The following LRMDA variants were observed in gnomAD, a reference collection of about 807,000 sequenced individuals.
LRMDA encodes leucine-rich melanocyte differentiation-associated protein.
LRMDA carries 18 observed loss-of-function variants against 29.8 expected under a neutral mutation model. The ratio of observed to expected loss-of-function variants is 0.60; its 90% CI spans 0.42 to 0.90. LRMDA has a LOEUF of 0.90. Among genes scored for constraint, LRMDA ranks in the 40% least tolerant of loss-of-function variants. LRMDA has a pLI of 0.00. For missense variants in LRMDA, 273 were observed against 273.9 expected (o/e 1.00, Z 0.02); for synonymous variants, 125 against 109.4 (o/e 1.14, Z -0.89).
At chr10:75,534,920 A>C (rs1839929105) in intron 2 of LRMDA, among the ~76,000 whole-genome samples, 1 of 152,190 alleles carries the variant, frequency 6.6e-6, no homozygotes, top group Non-Finnish European at 1.5e-5. Flanking sequence ...TAAACTATAC[A>C]CCAGAATTTC....
At chr10:75,714,707 A>G (rs1009090441) in intron 2 of LRMDA, among the ~76,000 whole-genome samples, 1 of 151,980 alleles carries the variant, frequency 6.6e-6, no homozygotes, top group Non-Finnish European at 1.5e-5. Context: ...ACTGTGAGAA[A>G]CTTTGATCTA....
chr10:75,661,236 A>G (rs1841748698), intron 2 of LRMDA, among the ~76,000 whole-genome samples: 1 of 152,164 alleles, frequency 6.6e-6, no homozygotes. Context: ...AAACCCAGAA[A>G]GGCCTCTGCT....
intron 5 of LRMDA, among the ~76,000 whole-genome samples, chr10:76,278,308 C>T (rs986083258): frequency 3.8e-4 from 58 of 152,190 alleles, no homozygotes; most frequent in African/African-American, 1.4e-3. Flanking sequence ...GTGAAGTGTT[C>T]CTCGGCAGGT....
chr10:76,401,200 A>G (rs1188618424), intron 6 of LRMDA, among the ~76,000 whole-genome samples: 1 of 151,874 alleles, frequency 6.6e-6, no homozygotes, highest in Non-Finnish European at 1.5e-5. Flanking sequence ...GATGAGACTC[A>G]ATGGATGGTA....
intron 2 of LRMDA, among the ~76,000 whole-genome samples, chr10:75,658,846 C>T (rs972146073): frequency 6.6e-6 from 1 of 152,180 alleles, no homozygotes; most frequent in African/African-American, 2.4e-5. Flanking sequence ...GAAGAGAATA[C>T]AGTCAGCCAC....
At chr10:75,516,400 C>T (rs1447340141) in intron 2 of LRMDA, among the ~76,000 whole-genome samples, 2 of 152,208 alleles carry the variant, frequency 1.3e-5, no homozygotes, top group African/African-American at 4.8e-5. Context: ...TGCATTGTAA[C>T]TGGTGTGAGA....
chr10:75,652,237 A>G (rs2132127550), intron 2 of LRMDA, among the ~76,000 whole-genome samples: 1 of 152,354 alleles, frequency 6.6e-6, no homozygotes, highest in Admixed American at 6.5e-5. Context: ...AGTAAAATCC[A>G]AACCTCCTGA....
At chr10:75,575,540 G>A (rs1840492620) in intron 2 of LRMDA, among the ~76,000 whole-genome samples, 2 of 152,240 alleles carry the variant, frequency 1.3e-5, no homozygotes, top group Non-Finnish European at 1.5e-5. Context: ...CCCAGTGCAA[G>A]TTTGAAACAC....
chr10:76,489,037 G>A (rs1842808571), intron 6 of LRMDA, among the ~76,000 whole-genome samples: 2 of 151,840 alleles, frequency 1.3e-5, no homozygotes, highest in African/African-American at 2.4e-5. Context: ...AGCATAGCAC[G>A]AGTTTAGAAG....
At chr10:75,597,845 G>T (rs1317120205) in intron 2 of LRMDA, among the ~76,000 whole-genome samples, 3 of 152,166 alleles carry the variant, frequency 2.0e-5, no homozygotes, top group African/African-American at 7.2e-5. Context: ...TGTTGTTGTT[G>T]TGACAGGTAG....
chr10:75,968,674 A>G (rs1027332413), intron 2 of LRMDA, among the ~76,000 whole-genome samples: 1 of 152,198 alleles, frequency 6.6e-6, no homozygotes, highest in African/African-American at 2.4e-5. Context: ...AAATCTGGGG[A>G]AATAAGGGCC....
At chr10:75,950,343 A>G (rs1318421740) in intron 2 of LRMDA, among the ~76,000 whole-genome samples, 3 of 152,158 alleles carry the variant, frequency 2.0e-5, no homozygotes, top group Admixed American at 6.5e-5. Context: ...GTCCTTGAAT[A>G]TATGCTACTC....
At chr10:76,391,899 C>A (rs1025768875) in intron 6 of LRMDA, among the ~76,000 whole-genome samples, 3 of 152,118 alleles carry the variant, frequency 2.0e-5, no homozygotes, top group African/African-American at 7.2e-5. Flanking sequence ...CAAATTATAT[C>A]TGTCTATGGA....
chr10:75,998,076 G>T (rs757900485), intron 2 of LRMDA, among the ~76,000 whole-genome samples: 15 of 152,182 alleles, frequency 9.9e-5, no homozygotes, highest in Non-Finnish European at 2.1e-4. Context: ...TGTCATCTAG[G>T]ATGAGAATGC....
chr10:76,406,917 G>A (rs192633846), intron 6 of LRMDA, among the ~76,000 whole-genome samples: 1 of 152,262 alleles, frequency 6.6e-6, no homozygotes, highest in African/African-American at 2.4e-5. Context: ...TGGAATAATT[G>A]TTCCAGATCT....
chr10:75,749,294 CT>C (rs1399636454), intron 2 of LRMDA, among the ~76,000 whole-genome samples: 2 of 151,982 alleles, frequency 1.3e-5, no homozygotes, highest in Admixed American at 1.3e-4. Flanking sequence ...ATTAGTAAGG[CT>C]TCTGGTCAAT....
intron 2 of LRMDA, among the ~76,000 whole-genome samples, chr10:75,799,795 C>T (rs970003321): frequency 6.6e-6 from 1 of 151,236 alleles, no homozygotes; most frequent in Non-Finnish European, 1.5e-5. Context: ...ATCCGCTCAC[C>T]TTGATGGAGT....
intron 6 of LRMDA, among the ~76,000 whole-genome samples, chr10:76,418,170 AAG>A (rs1484440878): frequency 6.6e-6 from 1 of 152,142 alleles, no homozygotes; most frequent in Non-Finnish European, 1.5e-5. Flanking sequence ...ACAATGAAAA[AAG>A]ATGATATTTT....
intron 2 of LRMDA, among the ~76,000 whole-genome samples, chr10:75,679,915 AAACCC>A (rs1842003934): frequency 6.6e-6 from 1 of 152,232 alleles, no homozygotes. Context: ...AATAAAAAAA[AAACCC>A]TTAAATTATC....
Sources: gnomAD v4.1 joint callset for allele counts (sites outside exome capture counted in the v4.1 genomes callset) on GRCh38, gnomAD v4.1.1 for gene constraint, MANE v1.5 for transcripts, NCBI Gene and HGNC (gene_info 2026-07-23, HGNC 2026-07-21) for gene names.